The following TMEM132C variants were observed in gnomAD, a reference collection of about 807,000 sequenced individuals.
TMEM132C encodes the protein protein phosphatase 1, regulatory subunit 152.
TMEM132C carries 29 observed loss-of-function variants against 61.4 expected under a neutral mutation model. The ratio of observed to expected loss-of-function variants is 0.47; its 90% CI spans 0.35 to 0.64. The LOEUF (loss-of-function observed/expected upper bound fraction) is 0.64. TMEM132C is among the 30% of genes least tolerant of loss of function. The pLI is 0.00. For synonymous variants in TMEM132C, 656 were observed against 633.1 expected (o/e 1.04, Z -0.54); for missense variants, 1,408 against 1,476.9 (o/e 0.95, Z 0.76).
At chr12:128,603,050 G>A (rs1876256520) in intron 3 of TMEM132C, among the ~76,000 whole-genome samples, 1 of 152,184 alleles carries the variant, frequency 6.6e-6, no homozygotes, top group Admixed American at 6.5e-5. Flanking sequence ...ATCCATCTGA[G>A]GCAGTCACTT....
chr12:128,613,307 G>A (rs1473350773), intron 3 of TMEM132C, among the ~76,000 whole-genome samples: 2 of 152,198 alleles, frequency 1.3e-5, no homozygotes, highest in African/African-American at 4.8e-5. Context: ...TCCCTAGAAT[G>A]CAAGATTGTC....
At chr12:128,664,240 C>CA (rs755003895) in intron 4 of TMEM132C, among the ~76,000 whole-genome samples, 9,439 of 106,716 alleles carry the variant, frequency 0.088, 862 homozygotes, top group African/African-American at 0.31. Context: ...TGAAGTCGTT[C>CA]CAGAAGTAAT....
chr12:128,537,658 AG>A (rs1269961239), intron 2 of TMEM132C, among the ~76,000 whole-genome samples: 1 of 152,200 alleles, frequency 6.6e-6, no homozygotes, highest in Admixed American at 6.5e-5. Flanking sequence ...GTGACTATGA[AG>A]GGGGCACATG....
intron 2 of TMEM132C, among the ~76,000 whole-genome samples, chr12:128,516,905 C>A (rs909267415): frequency 6.6e-6 from 1 of 151,672 alleles, no homozygotes; most frequent in Non-Finnish European, 1.5e-5. Flanking sequence ...CAGAGTGAGA[C>A]CCTGTTTCTA....
intron 2 of TMEM132C, among the ~76,000 whole-genome samples, chr12:128,490,153 G>T (rs111657103): frequency 2.0e-5 from 3 of 152,154 alleles, no homozygotes; most frequent in Admixed American, 6.5e-5. Context: ...CCCTTATGTC[G>T]CCCTATCTTG....
At chr12:128,298,819 G>C (rs563594806) in intron 1 of TMEM132C, among the ~76,000 whole-genome samples, 3 of 152,230 alleles carry the variant, frequency 2.0e-5, no homozygotes, top group Admixed American at 6.5e-5. Context: ...GACCAAGGTC[G>C]CTGGTAGAGC....
intron 1 of TMEM132C, among the ~76,000 whole-genome samples, chr12:128,383,232 G>T (rs1211148459): frequency 6.6e-6 from 1 of 152,162 alleles, no homozygotes; most frequent in Non-Finnish European, 1.5e-5. Flanking sequence ...ACACATGTCT[G>T]TGTATTTGTG....
rs371700495 is a variant in TMEM132C at position 128,295,544 on chromosome 12, C to G, written c.85+28057C>G. Among the ~76,000 whole-genome samples the G allele has an allele frequency of 3.9e-5, 5 of 129,114 alleles. No homozygotes were observed. In the East Asian group the frequency reaches 7.1e-4, roughly 18 times the overall value. The allele number at this position is 129,114 out of a possible 152,430, so 84.7% of individuals were successfully genotyped here. On this transcript the variant is annotated intron_variant, in intron 1 of 8. Transcript: ENST00000435159. ...AGGGCGTCCTGTCTGTAACAGCCTG[C>G]TACCTTCCACCCCCTCCCCTGGGTA...
chr12:128,559,628 C>T (rs1168979165), intron 3 of TMEM132C, among the ~76,000 whole-genome samples: 1 of 152,126 alleles, frequency 6.6e-6, no homozygotes, highest in Admixed American at 6.5e-5. Flanking sequence ...TTTATGTACT[C>T]AGAAATGACT....
At chr12:128,581,215 G>C (rs1356892426) in intron 3 of TMEM132C, among the ~76,000 whole-genome samples, 1 of 152,032 alleles carries the variant, frequency 6.6e-6, no homozygotes, top group Non-Finnish European at 1.5e-5. Flanking sequence ...GGAGTGCTCA[G>C]ACCATATCAA....
chr12:128,600,364 A>G (rs1876140624), intron 3 of TMEM132C, among the ~76,000 whole-genome samples: 1 of 152,078 alleles, frequency 6.6e-6, no homozygotes, highest in Admixed American at 6.6e-5. Context: ...GGACATGTTT[A>G]CTTCTCCTTC....
At chr12:128,533,408 C>T (rs1182436953) in intron 2 of TMEM132C, among the ~76,000 whole-genome samples, 2 of 152,152 alleles carry the variant, frequency 1.3e-5, no homozygotes, top group African/African-American at 4.8e-5. Context: ...TTTTCTAGGG[C>T]TGCTGTAACA....
chr12:128,518,715 T>A (rs963632227), intron 2 of TMEM132C, among the ~76,000 whole-genome samples: 1 of 152,000 alleles, frequency 6.6e-6, no homozygotes, highest in Admixed American at 6.6e-5. Context: ...TATTGGTGTG[T>A]GAATGTGTGT....
At chr12:128,365,198 A>T (rs1476054665) in intron 1 of TMEM132C, among the ~76,000 whole-genome samples, 1 of 152,120 alleles carries the variant, frequency 6.6e-6, no homozygotes, top group African/African-American at 2.4e-5. Context: ...CTCTTGCTTG[A>T]TTGGCTGATC....
At chr12:128,664,215 C>CGA (rs1491190138) in intron 4 of TMEM132C, among the ~76,000 whole-genome samples, 38,324 of 150,944 alleles carry the variant, frequency 0.25, 6,270 homozygotes, top group African/African-American at 0.47. Flanking sequence ...CACACACATG[C>CGA]CTGTGTGTGT....
At chr12:128,458,278 T>TATAAC (rs1870415347) in intron 2 of TMEM132C, among the ~76,000 whole-genome samples, 3 of 101,574 alleles carry the variant, frequency 3.0e-5, no homozygotes, top group South Asian at 7.8e-4. Context: ...ATAATTATAA[T>TATAAC]ATTTAGTATT....
intron 1 of TMEM132C, among the ~76,000 whole-genome samples, chr12:128,303,158 TG>T (rs757048457): frequency 1.3e-5 from 2 of 152,224 alleles, no homozygotes; most frequent in Non-Finnish European, 2.9e-5. Context: ...TTTCTCCTTA[TG>T]GGTGTTAAAA....
chr12:128,340,379 TA>T (rs1872917888), intron 1 of TMEM132C, among the ~76,000 whole-genome samples: 1 of 152,218 alleles, frequency 6.6e-6, no homozygotes, highest in South Asian at 2.1e-4. Flanking sequence ...CCTATTGTCT[TA>T]TTACAGTAAA....
chr12:128,601,893 G>C (rs1876206914), intron 3 of TMEM132C, among the ~76,000 whole-genome samples: 1 of 152,158 alleles, frequency 6.6e-6, no homozygotes. Flanking sequence ...TTGTGGCTGA[G>C]TATGGTGACC....
Sources: allele counts gnomAD v4.1 joint callset (sites outside exome capture counted in the v4.1 genomes callset), GRCh38; gene constraint gnomAD v4.1.1; transcripts MANE v1.5; gene names NCBI Gene and HGNC (gene_info 2026-07-23, HGNC 2026-07-21).